FARS2: variants seen among roughly 807,000 people sequenced by gnomAD.
FARS2 encodes phenylalanine--tRNA ligase, mitochondrial.
FARS2 carries 40 observed loss-of-function variants against 46.4 expected under a neutral mutation model. The observed-to-expected ratio is 0.86, with a 90% CI of 0.67 to 1.12. FARS2 has a LOEUF of 1.12. FARS2 is among the 50% of genes most tolerant of loss of function. The probability of loss-of-function intolerance (pLI) is 0.00; values close to 1 mark genes in which losing one functional copy is unlikely to be tolerated. For missense variants in FARS2, 513 were observed against 567.9 expected (o/e 0.90, Z 0.98); for synonymous variants, 234 against 214.9 (o/e 1.09, Z -0.78).
chr6:5,440,424 T>A (rs1463945940), intron 4 of FARS2, among the ~76,000 whole-genome samples: 1 of 152,208 alleles, frequency 6.6e-6, no homozygotes, highest in African/African-American at 2.4e-5. Context: ...GCCACCCCCA[T>A]GTTGATGGGT....
chr6:5,358,934 CT>C (rs1436609435), intron 1 of FARS2, among the ~76,000 whole-genome samples: 1 of 148,368 alleles, frequency 6.7e-6, no homozygotes, highest in Non-Finnish European at 1.5e-5. Context: ...TGACAGAACA[CT>C]TTCAAATCTC....
intron 4 of FARS2, among the ~76,000 whole-genome samples, chr6:5,469,775 T>TC (rs1463615469): frequency 6.6e-6 from 1 of 152,220 alleles, no homozygotes; most frequent in Non-Finnish European, 1.5e-5. Context: ...ACAACTTTTC[T>TC]TTTTCCTTTA....
At chr6:5,330,699 C>T (rs920761812) in intron 1 of FARS2, among the ~76,000 whole-genome samples, 4 of 152,236 alleles carry the variant, frequency 2.6e-5, no homozygotes, top group Middle Eastern at 3.4e-3. Context: ...GAGATATATT[C>T]GTTCACTCTT....
intron 4 of FARS2, among the ~76,000 whole-genome samples, chr6:5,456,592 G>A (rs574149072): frequency 1.4e-4 from 21 of 151,970 alleles, no homozygotes; most frequent in African/African-American, 4.3e-4. Context: ...AATTAACCAG[G>A]CTTGGTGGTG....
rs1346407878 is a variant in FARS2, at chr6:5,353,733, T to TG, written c.-21-14817_-21-14816insG. Among the ~76,000 whole-genome samples the TG allele has an allele frequency of 2.1e-5, 3 of 144,440 alleles. No homozygotes were observed. The East Asian group carries it at 6.0e-4, about 29-fold the overall frequency. 94.8% of individuals were successfully genotyped at this position (144,440 alleles called of 152,430 possible). A position where few individuals can be genotyped will look rare whatever the true frequency, so the allele number is the denominator to read the frequency against. On this transcript the variant is annotated intron_variant, in intron 1 of 6. Transcript: ENST00000274680. ...TAAATTGTAATATTTGGTGTTTTTT[T>TG]TTTTTTTTTTTTTTTGCTATTGAGT...
At chr6:5,591,078 C>A (rs1237961323) in intron 5 of FARS2, among the ~76,000 whole-genome samples, 2 of 152,138 alleles carry the variant, frequency 1.3e-5, no homozygotes, top group African/African-American at 4.8e-5. Context: ...CACAATCAAC[C>A]CAGACTTCTG....
intron 6 of FARS2, among the ~76,000 whole-genome samples, chr6:5,618,570 C>T (rs565685506): frequency 7.2e-5 from 11 of 152,102 alleles, no homozygotes; most frequent in South Asian, 2.1e-4. Context: ...CATAAACTGC[C>T]GAAGAAGAGC....
chr6:5,756,073 G>A (rs1762188421), intron 6 of FARS2, among the ~76,000 whole-genome samples: 1 of 152,130 alleles, frequency 6.6e-6, no homozygotes, highest in Non-Finnish European at 1.5e-5. Flanking sequence ...ACCCACACCG[G>A]GCAGGAATCT....
At chr6:5,703,701 C>T (rs1015349703) in intron 6 of FARS2, among the ~76,000 whole-genome samples, 4 of 152,170 alleles carry the variant, frequency 2.6e-5, no homozygotes, top group African/African-American at 9.7e-5. Flanking sequence ...AGAGTCTCTT[C>T]AAGGCAGACA....
In FARS2 at chr6:5,609,272, G is replaced by A. The variant is rs184478802; in HGVS notation, c.1066-3897G>A. 3.3e-3 allele frequency: 3,423 copies of A among 1,041,722 alleles called. 48 individuals are homozygous for A. In the African/African-American group the frequency reaches 0.039, roughly 12 times the overall value. The allele number at this position is 1,041,722 out of a possible 1,614,324, so 64.5% of individuals were successfully genotyped here. A position where few individuals can be genotyped will look rare whatever the true frequency, so the allele number is the denominator to read the frequency against. ...CTTAGCTACTGCTGCTACTGGAACT[G>A]CCCTAGCCACCTTGGTTTCATGGTT... On this transcript the variant is annotated intron_variant, in intron 5 of 6. Transcript: ENST00000274680.
chr6:5,307,569 A>G (rs763442198), intron 1 of FARS2, among the ~76,000 whole-genome samples: 2 of 152,198 alleles, frequency 1.3e-5, no homozygotes, highest in Non-Finnish European at 2.9e-5. Flanking sequence ...TAGTAATCTC[A>G]AATGTACAAA....
Position 5,625,314 on chromosome 6 carries a change from A to G in FARS2, c.1217+11994A>G, listed in dbSNP as rs1775975640. On this transcript the variant is annotated intron_variant, in intron 6 of 6. Transcript: ENST00000274680. The stretch of plus-strand genomic sequence containing the variant: ...TCACGTTGCTGGTCTTCTCCAGAGC[A>G]AGAAACAAGCTGGGCTCCAGGATCA... Among the ~76,000 whole-genome samples, 3 of 152,218 alleles carry G rather than the reference A, an allele frequency of 2.0e-5. 1 individual carries two copies. In the South Asian group the frequency reaches 6.2e-4, roughly 32 times the overall value.
chr6:5,341,257 T>TTTTTTTC lies in FARS2; in HGVS notation c.-21-27293_-21-27292insTTTTTTC, dbSNP rs552538194. Among the ~76,000 whole-genome samples, 127 of 56,668 alleles carry TTTTTTTC rather than the reference T, an allele frequency of 2.2e-3. 18 individuals are homozygous for TTTTTTTC. The highest frequency in any genetic ancestry group is 3.4e-3 in the Non-Finnish European group (103 of 29,980). The allele number at this position is 56,668 out of a possible 152,430, so 37.2% of individuals were successfully genotyped here. A position where few individuals can be genotyped will look rare whatever the true frequency, so the allele number is the denominator to read the frequency against. ...TATATTTTTTTTTTTTTTTTTTTTT[T>TTTTTTTC]CCCTGTGAGAGCAGTTGTTTTGAGA... On this transcript the variant is annotated intron_variant, in intron 1 of 6. Transcript: ENST00000274680.
chr6:5,304,606 C>G (rs1263446502), intron 1 of FARS2, among the ~76,000 whole-genome samples: 2 of 152,126 alleles, frequency 1.3e-5, no homozygotes, highest in African/African-American at 4.8e-5. Context: ...AGGGATGCAG[C>G]CTCTCACAGT....
At chr6:5,384,284 A>G (rs930139594) in intron 2 of FARS2, among the ~76,000 whole-genome samples, 1 of 152,194 alleles carries the variant, frequency 6.6e-6, no homozygotes, top group Non-Finnish European at 1.5e-5. Flanking sequence ...AAAGTGCTGG[A>G]AAGTATAGTC....
intron 6 of FARS2, among the ~76,000 whole-genome samples, chr6:5,750,614 C>A (rs1761890641): frequency 6.6e-6 from 1 of 152,118 alleles, no homozygotes; most frequent in Non-Finnish European, 1.5e-5. Flanking sequence ...CAATGGTAGA[C>A]AAGGCCCCTG....
chr6:5,522,951 C>T (rs9328309), intron 4 of FARS2, among the ~76,000 whole-genome samples: 20,734 of 151,742 alleles, frequency 0.14, 1,490 homozygotes, highest in East Asian at 0.21. Flanking sequence ...TGGGATCGAA[C>T]GAAATAGAAA....
Position 5,613,339 on chromosome 6 carries a change from G to A in FARS2, c.1217+19G>A, listed in dbSNP as rs1775292451. 5 of 1,605,902 alleles carry A rather than the reference G, an allele frequency of 3.1e-6. No homozygotes were observed. Among genetic ancestry groups the A allele is most frequent in the Admixed American group, 3.4e-5 (2 of 59,128 alleles). The stretch of plus-strand genomic sequence containing the variant: ...ATCCAAAGTAAGTGAAAAGCTTTCT[G>A]ATTTTACCCTTGACTATCTCTGTGT... On this transcript the variant is annotated intron_variant, in intron 6 of 6. Transcript: ENST00000274680.
At chr6:5,313,377 C>G (rs147639432) in intron 1 of FARS2, among the ~76,000 whole-genome samples, 13 of 152,160 alleles carry the variant, frequency 8.5e-5, no homozygotes, top group Non-Finnish European at 1.3e-4. Context: ...GCTCCTCTGT[C>G]GTACTTAATG....
Sources: allele counts gnomAD v4.1 joint callset (sites outside exome capture counted in the v4.1 genomes callset), GRCh38; gene constraint gnomAD v4.1.1; transcripts MANE v1.5; gene names NCBI Gene and HGNC (gene_info 2026-07-23, HGNC 2026-07-21).